The following PLCB1 variants were observed in gnomAD, a reference collection of about 807,000 sequenced individuals.
The protein encoded by PLCB1 is phospholipase C beta 1.
A neutral mutation model predicts 161.8 loss-of-function variants in PLCB1; 46 were observed. The ratio of observed to expected loss-of-function variants is 0.28; its 90% CI spans 0.22 to 0.36. The LOEUF is 0.36. Among genes scored for constraint, PLCB1 ranks in the 10% least tolerant of loss-of-function variants. The pLI is 1.00. For missense variants in PLCB1, 1,016 were observed against 1,472.5 expected (o/e 0.69, Z 5.07); for synonymous variants, 517 against 503.7 (o/e 1.03, Z -0.35).
intron 3 of PLCB1, among the ~76,000 whole-genome samples, chr20:8,422,211 C>T (rs989615208): frequency 4.6e-5 from 7 of 152,102 alleles, no homozygotes; most frequent in Non-Finnish European, 7.4e-5. Context: ...TTTATAGAGC[C>T]AGATGTATTT....
At chr20:8,158,156 A>C (rs369240346) in intron 2 of PLCB1, among the ~76,000 whole-genome samples, 1 of 152,256 alleles carries the variant, frequency 6.6e-6, no homozygotes, top group Admixed American at 6.5e-5. Flanking sequence ...TGCATTCTGC[A>C]TATTGTTCAT....
intron 3 of PLCB1, among the ~76,000 whole-genome samples, chr20:8,410,658 A>C (rs1380881429): frequency 6.6e-6 from 1 of 152,080 alleles, no homozygotes; most frequent in Non-Finnish European, 1.5e-5. Context: ...TGTAATTTTT[A>C]ATTGTAATGG....
intron 3 of PLCB1, among the ~76,000 whole-genome samples, chr20:8,529,900 T>C (rs1984734695): frequency 6.6e-6 from 1 of 152,124 alleles, no homozygotes. Context: ...ATTTTTGCAT[T>C]GTATGCTATG....
chr20:8,541,562 G>GAAAGAAAGAAAGAAAGAAAGAA (rs1555769018), intron 3 of PLCB1, among the ~76,000 whole-genome samples: 1 of 114,348 alleles, frequency 8.7e-6, no homozygotes, highest in Admixed American at 9.7e-5. Flanking sequence ...AAGGAAGAAA[G>GAAAGAAAGAAAGAAAGAAAGAA]AGAAAGAAAG....
intron 2 of PLCB1, among the ~76,000 whole-genome samples, chr20:8,171,130 T>C (rs1286629247): frequency 6.6e-6 from 1 of 152,174 alleles, no homozygotes; most frequent in African/African-American, 2.4e-5. Context: ...TCTGTAAATA[T>C]CAAGTGAAGT....
At position 8,163,843 on chromosome 20, in the gene PLCB1, C is replaced by T. The variant is rs538899887; in HGVS notation, c.177+13472C>T. ...CATTTAGATGTTTGAGTATAAATAT[C>T]GGGCCTCTATGGTAACATCCTATAC... On this transcript the variant is annotated intron_variant, in intron 2 of 31. Coordinates refer to ENST00000338037, the MANE Select transcript of PLCB1 (RefSeq NM_015192.4). Among the ~76,000 whole-genome samples the T allele has an allele frequency of 4.6e-5, 7 of 152,226 alleles. No homozygotes were observed. In the South Asian group the frequency reaches 6.2e-4, roughly 14 times the overall value.
chr20:8,480,500 T>G (rs1481791139), intron 3 of PLCB1, among the ~76,000 whole-genome samples: 1 of 152,154 alleles, frequency 6.6e-6, no homozygotes, highest in Non-Finnish European at 1.5e-5. Flanking sequence ...CTGCCTGCAA[T>G]TTTTAGCTAG....
intron 3 of PLCB1, among the ~76,000 whole-genome samples, chr20:8,621,186 A>T (rs1367387311): frequency 2.0e-5 from 3 of 152,180 alleles, no homozygotes; most frequent in Non-Finnish European, 4.4e-5. Context: ...CGGGGGTTTA[A>T]ACAGGAAGGC....
intron 2 of PLCB1, among the ~76,000 whole-genome samples, chr20:8,276,926 T>TTTCTTCTTCTTCTTCTTCTTCTTC (rs752434070): frequency 2.9e-5 from 3 of 104,828 alleles, no homozygotes; most frequent in East Asian, 3.0e-4. Context: ...GTCTTCTTCT[T>TTTCTTCTTCTTCTTCTTCTTCTTC]TTCTTCTTCT....
chr20:8,530,360 T>C (rs1984756655), intron 3 of PLCB1, among the ~76,000 whole-genome samples: 1 of 152,142 alleles, frequency 6.6e-6, no homozygotes, highest in African/African-American at 2.4e-5. Context: ...TCTTAAGTCT[T>C]AACTACATCT....
chr20:8,180,004 G>A (rs908146685), intron 2 of PLCB1, among the ~76,000 whole-genome samples: 1 of 150,742 alleles, frequency 6.6e-6, no homozygotes, highest in Non-Finnish European at 1.5e-5. Flanking sequence ...GACTACAGGT[G>A]CCCGCCACTA....
At chr20:8,750,887 G>T (rs1568584644) in intron 23 of PLCB1, 3 of 1,343,516 alleles carry the variant, frequency 2.2e-6, no homozygotes, top group African/African-American at 1.5e-5. Context: ...CCCATGTGGT[G>T]CCCATCCAAA....
intron 9 of PLCB1, among the ~76,000 whole-genome samples, chr20:8,661,711 A>G (rs184451190): frequency 1.2e-3 from 182 of 151,756 alleles, no homozygotes; most frequent in African/African-American, 4.2e-3. Flanking sequence ...CATTCAGTAA[A>G]TGGCCTAAAT....
intron 2 of PLCB1, among the ~76,000 whole-genome samples, chr20:8,352,006 T>A (rs549003822): frequency 6.6e-6 from 1 of 152,194 alleles, no homozygotes; most frequent in African/African-American, 2.4e-5. Context: ...CCTAACAGAT[T>A]TGAATATTTA....
intron 25 of PLCB1, among the ~76,000 whole-genome samples, chr20:8,764,172 A>G (rs968930155): frequency 1.3e-5 from 2 of 152,112 alleles, no homozygotes; most frequent in Non-Finnish European, 2.9e-5. Context: ...GTCTCAAAAA[A>G]GAAAATAGTA....
intron 31 of PLCB1, among the ~76,000 whole-genome samples, chr20:8,870,785 G>A (rs895479674): frequency 7.2e-5 from 11 of 152,160 alleles, no homozygotes; most frequent in African/African-American, 2.7e-4. Context: ...CTAAATCTGA[G>A]CATTAGCATT....
At chr20:8,653,581 A>G (rs1386823772) in intron 7 of PLCB1, 1 of 152,066 alleles carries the variant, frequency 6.6e-6, no homozygotes, top group East Asian at 1.9e-4. Context: ...TTGTCAAGAA[A>G]AACAAGTCTA....
intron 3 of PLCB1, among the ~76,000 whole-genome samples, chr20:8,617,478 G>C (rs1988066583): frequency 6.6e-6 from 1 of 151,960 alleles, no homozygotes; most frequent in Admixed American, 6.6e-5. Context: ...GAGATCATCA[G>C]GGTGGCTTGA....
intron 23 of PLCB1, among the ~76,000 whole-genome samples, chr20:8,755,224 TG>T (rs1439011787): frequency 2.0e-5 from 3 of 152,200 alleles, no homozygotes; most frequent in African/African-American, 4.8e-5. Context: ...AAAGATGATT[TG>T]GGAAACAGAT....
Sources: allele counts gnomAD v4.1 joint callset (sites outside exome capture counted in the v4.1 genomes callset), GRCh38; gene constraint gnomAD v4.1.1; transcripts MANE v1.5; gene names NCBI Gene and HGNC (gene_info 2026-07-23, HGNC 2026-07-21).